COX10: variants seen among roughly 807,000 people sequenced by gnomAD.
The protein encoded by COX10 is protoheme IX farnesyltransferase, mitochondrial.
In COX10, 27 loss-of-function variants were observed where a neutral mutation model predicts 37.3. The ratio of observed to expected loss-of-function variants is 0.72; its 90% CI spans 0.53 to 1.00. The LOEUF (loss-of-function observed/expected upper bound fraction) is 1.00, where lower values mean the gene tolerates loss of function less well. Among genes scored for constraint, COX10 ranks in the 50% least tolerant of loss-of-function variants. COX10 has a pLI of 0.00. For missense variants in COX10, 475 were observed against 563.2 expected (o/e 0.84, Z 1.59); for synonymous variants, 222 against 229.1 (o/e 0.97, Z 0.28).
intron 4 of COX10, among the ~76,000 whole-genome samples, chr17:14,146,629 A>C (rs1010580151): frequency 7.9e-5 from 12 of 152,174 alleles, no homozygotes; most frequent in Non-Finnish European, 1.6e-4. Flanking sequence ...CAGAGCAGAC[A>C]TGGACAAATG....
At chr17:14,074,288 A>C in intron 1 of COX10, 35 bp from the exon 2 acceptor site, 1 of 1,613,768 alleles carries the variant, frequency 6.2e-7, no homozygotes, top group East Asian at 2.2e-5. Context: ...AGTACGAATC[A>C]TTTAACCTTT....
Position 14,190,596 on chromosome 17 carries a change from G to C in COX10, c.696-1393G>C, listed in dbSNP as rs749008465. Among the ~76,000 whole-genome samples the C allele has an allele frequency of 1.2e-3, 184 of 152,250 alleles. 2 individuals are homozygous for C. Among genetic ancestry groups the C allele is most frequent in the Non-Finnish European group, 2.1e-3 (141 of 68,010 alleles). ...CTTTGGGCACAGAGGCTGCAGGCCA[G>C]GTAGGAAAGAGTCAGTGCTGGCCCC... On this transcript the variant is annotated intron_variant, in intron 5 of 6. Transcript: ENST00000261643.
chr17:14,192,068 A>C lies in COX10; in HGVS notation c.775A>C (p.Thr259Pro). Residue 259 changes from threonine to proline, a missense_variant, in exon 6 of 7, where the codon ACA becomes CCA. Transcript: ENST00000261643. Reference protein sequence around the residue: ...AILTLGVNPLTGALGLFNIFL... With the variant: ...AILTLGVNPLPGALGLFNIFL... ...TCTGACCTTGGGGGTGAATCCACTCACAGGAGCCCTGGGGCTCTTCAACAT... is the reference window on the plus strand; with the variant it reads ...TCTGACCTTGGGGGTGAATCCACTCCCAGGAGCCCTGGGGCTCTTCAACAT... 1 of 1,614,210 alleles carries C rather than the reference A, an allele frequency of 6.2e-7. No individual in the cohort carries two copies. Among genetic ancestry groups the C allele is most frequent in the Non-Finnish European group, 8.5e-7 (1 of 1,180,044 alleles).
chr17:14,116,740 C>G (rs750769034), intron 4 of COX10, among the ~76,000 whole-genome samples: 1 of 152,206 alleles, frequency 6.6e-6, no homozygotes, highest in Non-Finnish European at 1.5e-5. Flanking sequence ...CCAGTTCTTA[C>G]AGCCTTCATG....
At chr17:14,085,585 TG>T (rs1237416241) in intron 3 of COX10, among the ~76,000 whole-genome samples, 1 of 152,186 alleles carries the variant, frequency 6.6e-6, no homozygotes, top group Non-Finnish European at 1.5e-5. Flanking sequence ...CCTTTATTTT[TG>T]TTGGGTATAT....
chr17:14,143,349 G>T (rs1034170894), intron 4 of COX10, among the ~76,000 whole-genome samples: 2 of 151,896 alleles, frequency 1.3e-5, no homozygotes, highest in Admixed American at 6.6e-5. Context: ...TTATGTATTT[G>T]CTTGAAAACA....
chr17:14,153,640 T>C (rs893953571), intron 4 of COX10, among the ~76,000 whole-genome samples: 3 of 152,200 alleles, frequency 2.0e-5, no homozygotes, highest in Non-Finnish European at 4.4e-5. Context: ...AGTGGAACTT[T>C]CATATACTGC....
At chr17:14,108,200 G>A (rs568830001) in intron 4 of COX10, among the ~76,000 whole-genome samples, 1 of 152,124 alleles carries the variant, frequency 6.6e-6, no homozygotes, top group Non-Finnish European at 1.5e-5. Flanking sequence ...TGAGGGAGGG[G>A]AGAAAGTAGC....
At chr17:14,076,192 T>A (rs1915146772) in intron 2 of COX10, among the ~76,000 whole-genome samples, 1 of 130,722 alleles carries the variant, frequency 7.6e-6, no homozygotes, top group African/African-American at 2.9e-5. Flanking sequence ...CACAGCTCAA[T>A]CTCCTAGGCT....
At chr17:14,137,950 GT>G (rs55924353) in intron 4 of COX10, among the ~76,000 whole-genome samples, 32,029 of 134,076 alleles carry the variant, frequency 0.24, 3,673 homozygotes, top group African/African-American at 0.32. Context: ...ACACAATTCA[GT>G]TTTTTTTTTT....
rs772814778 is a variant in COX10, at chr17:14,076,778, C to G, written c.221C>G (p.Pro74Arg). ...AGAAGCCACAACCAGCAAGTAAGAC[C>G]CAAGCCAGAACCAGTAGCATCTCCT... is the stretch of plus-strand genomic sequence containing the variant. ...LNRSHNQQVR[P>R]KPEPVASPFL... Residue 74 changes from proline to arginine, a missense_variant, in exon 3 of 7, where the codon CCC (proline) becomes CGC (arginine). By Grantham distance (103) the Pro-to-Arg change is moderately radical. Coordinates refer to ENST00000261643, the MANE Select transcript of COX10 (RefSeq NM_001303.4). 2 of 1,613,942 alleles carry G rather than the reference C, an allele frequency of 1.2e-6. No homozygotes were observed. Among genetic ancestry groups the G allele is most frequent in the Admixed American group, 1.7e-5 (1 of 59,990 alleles).
At chr17:14,202,585 G>A (rs376049052) in intron 6 of COX10, among the ~76,000 whole-genome samples, 3 of 152,048 alleles carry the variant, frequency 2.0e-5, no homozygotes, top group Non-Finnish European at 4.4e-5. Context: ...TGCCTGGCAC[G>A]TAAAAGCCAC....
chr17:14,165,478 T>G (rs1386926390), intron 5 of COX10, among the ~76,000 whole-genome samples: 1 of 152,224 alleles, frequency 6.6e-6, no homozygotes, highest in African/African-American at 2.4e-5. Context: ...GACAGCAAAC[T>G]TAATCGATAA....
At chr17:14,128,253 T>C (rs1225235149) in intron 4 of COX10, among the ~76,000 whole-genome samples, 2 of 152,158 alleles carry the variant, frequency 1.3e-5, no homozygotes, top group Non-Finnish European at 2.9e-5. Context: ...TCTATTTTAA[T>C]GATGCAATTT....
chr17:14,205,768 AT>A (rs963725348), intron 6 of COX10, among the ~76,000 whole-genome samples: 3 of 150,780 alleles, frequency 2.0e-5, no homozygotes, highest in Admixed American at 6.6e-5. Flanking sequence ...GCATTGCCTA[AT>A]TTTTTTTTTC....
chr17:14,188,786 T>C (rs1168696864), intron 5 of COX10, among the ~76,000 whole-genome samples: 6 of 152,052 alleles, frequency 3.9e-5, no homozygotes, highest in Non-Finnish European at 8.8e-5. Flanking sequence ...AGGAGCATTA[T>C]TGTGGTGGAG....
intron 5 of COX10, among the ~76,000 whole-genome samples, chr17:14,160,884 T>A (rs1905159032): frequency 6.6e-6 from 1 of 152,216 alleles, no homozygotes; most frequent in Non-Finnish European, 1.5e-5. Context: ...GTATATGGTG[T>A]GTTTGAGGTT....
rs538774530 is a variant in COX10, at chr17:14,073,197, G to A, written c.44-1126G>A. Among the ~76,000 whole-genome samples, 92 of 152,296 alleles carry A rather than the reference G, an allele frequency of 6.0e-4. 1 individual carries two copies. Among genetic ancestry groups the A allele is most frequent in the African/African-American group, 2.1e-3 (86 of 41,570 alleles). Reference sequence around the variant, plus strand: ...AGGAAAGGAAGTATTGAAGGCAGGAGGACTGGCTTGAATGCTGCTATCGTT... The same window carrying A: ...AGGAAAGGAAGTATTGAAGGCAGGAAGACTGGCTTGAATGCTGCTATCGTT... On this transcript the variant is annotated intron_variant, in intron 1 of 6. Coordinates refer to ENST00000261643, the MANE Select transcript of COX10 (RefSeq NM_001303.4).
At chr17:14,131,946 G>A (rs1017580663) in intron 4 of COX10, among the ~76,000 whole-genome samples, 6 of 151,952 alleles carry the variant, frequency 3.9e-5, no homozygotes, top group Admixed American at 6.6e-5. Flanking sequence ...TGCAAAAGTA[G>A]GTTGTTTATG....
Sources: allele counts gnomAD v4.1 joint callset (sites outside exome capture counted in the v4.1 genomes callset), GRCh38; gene constraint gnomAD v4.1.1; transcripts MANE v1.5; gene names NCBI Gene and HGNC (gene_info 2026-07-23, HGNC 2026-07-21).